Variants in GLIS1 observed in about 807,000 individuals in gnomAD.
GLIS1 encodes zinc finger protein GLIS1.
A neutral mutation model predicts 63.8 loss-of-function variants in GLIS1; 24 were observed. The observed-to-expected ratio is 0.38, with a 90% CI of 0.27 to 0.53. GLIS1 has a LOEUF of 0.53. GLIS1 is among the 20% of genes least tolerant of loss of function. GLIS1 has a pLI of 0.85. For missense variants in GLIS1, 1,036 were observed against 1,074.1 expected, an observed-to-expected ratio of 0.96 and a Z score of 0.50; for synonymous variants, 450 against 482.5, an observed-to-expected ratio of 0.93 and a Z score of 0.88.
intron 2 of GLIS1, among the ~76,000 whole-genome samples, chr1:53,606,298 G>A (rs1230131580): frequency 2.0e-5 from 3 of 152,172 alleles, no homozygotes; most frequent in Non-Finnish European, 2.9e-5. Context: ...CTAGGCCAAC[G>A]GAGTCATGCC....
intron 4 of GLIS1, among the ~76,000 whole-genome samples, chr1:53,550,329 C>A (rs1244495121): frequency 6.6e-6 from 1 of 152,172 alleles, no homozygotes; most frequent in African/African-American, 2.4e-5. Context: ...CCTGGCCTTG[C>A]TCTGCAGTAG....
intron 5 of GLIS1, among the ~76,000 whole-genome samples, chr1:53,529,584 T>C (rs964014581): frequency 6.6e-6 from 1 of 152,176 alleles, no homozygotes; most frequent in Non-Finnish European, 1.5e-5. Context: ...AGTGGGAACA[T>C]TGCCTCCTAT....
intron 2 of GLIS1, among the ~76,000 whole-genome samples, chr1:53,717,522 T>A (rs1646713072): frequency 6.6e-6 from 1 of 152,090 alleles, no homozygotes. Flanking sequence ...TGAACACACT[T>A]CTTCTACGGG....
At chr1:53,725,565 C>A (rs1646797464) in intron 2 of GLIS1, among the ~76,000 whole-genome samples, 1 of 152,176 alleles carries the variant, frequency 6.6e-6, no homozygotes, top group Non-Finnish European at 1.5e-5. Flanking sequence ...ACCCGGCCAG[C>A]CTGAAGGGGG....
chr1:53,617,958 G>C (rs1207514334), intron 2 of GLIS1, among the ~76,000 whole-genome samples: 2 of 152,232 alleles, frequency 1.3e-5, no homozygotes, highest in Non-Finnish European at 2.9e-5. Flanking sequence ...TTCAGTGACA[G>C]AGTCCTGAGC....
chr1:53,521,299 C>T (rs948116523), intron 6 of GLIS1, among the ~76,000 whole-genome samples: 4 of 152,144 alleles, frequency 2.6e-5, no homozygotes, highest in Non-Finnish European at 2.9e-5. Flanking sequence ...TGAATGGACG[C>T]GGTAGGAATA....
chr1:53,731,135 C>T (rs925528027), intron 2 of GLIS1, among the ~76,000 whole-genome samples: 1 of 152,222 alleles, frequency 6.6e-6, no homozygotes, highest in Non-Finnish European at 1.5e-5. Flanking sequence ...CAGACAGGGA[C>T]TACTACCTGC....
rs1196657590 is a variant in GLIS1 at position 53,506,440 on chromosome 1, C to T, written c.*179G>A. On this transcript the variant is annotated 3_prime_UTR_variant, in exon 11 of 11. Coordinates refer to ENST00000628545, the MANE Select transcript of GLIS1 (RefSeq NM_001367484.1). ...CACCTCTGTGCGCCCAGCTCAAGCT[C>T]GGATGGCGGCTCCCTGGCAGCGCTG... The T allele has an allele frequency of 6.3e-6, 4 of 632,004 alleles. No individual in the cohort carries two copies. Among genetic ancestry groups the T allele is most frequent in the Non-Finnish European group, 8.2e-6 (3 of 366,974 alleles). 39.1% of individuals were successfully genotyped at this position (632,004 alleles called of 1,614,324 possible).
rs1644510921 is a variant in GLIS1 at position 53,529,855 on chromosome 1, C to T, written c.1418G>A (p.Gly473Asp). 1.9e-6 allele frequency: 3 copies of T among 1,613,882 alleles called. 1 individual carries two copies. Among genetic ancestry groups the T allele is most frequent in the East Asian group, 4.5e-5 (2 of 44,870 alleles). The change falls in exon 5 of 11, where the codon GGT (glycine) becomes GAT (aspartate). Residue 473 changes from glycine (G) to aspartate (D), a missense_variant. Physicochemically the swap from Gly to Asp is moderately conservative, Grantham distance 94 (BLOSUM62 -1). Coordinates refer to ENST00000628545, the MANE Select transcript of GLIS1 (RefSeq NM_001367484.1). Reference sequence around the variant, plus strand: ...GGAGTTGCTGAAGGCCTTCTGGCAACCCGGGTGCTGGCACAGGTACGGCTT... The same window carrying T: ...GGAGTTGCTGAAGGCCTTCTGGCAATCCGGGTGCTGGCACAGGTACGGCTT... ...GEKPYLCQHPGCQKAFSNSSD... is the reference protein window; with the variant it reads ...GEKPYLCQHPDCQKAFSNSSD...
rs1644297682 is a variant in GLIS1 at position 53,511,496 on chromosome 1, C to A, written c.1884-1469G>T. On this transcript the variant is annotated intron_variant, in intron 8 of 10. Transcript: ENST00000628545. The surrounding 1 kb of genome is among the most constrained non-coding windows in gnomAD (Gnocchi z 4.2). ...GCTGTCATCATCCACACGTGTGGGG[C>A]CCCCGTCACTGTGAGCTCGCTGAGG... is the stretch of plus-strand genomic sequence containing the variant. 2.0e-5 allele frequency among the ~76,000 whole-genome samples: 3 copies of A among 152,168 alleles called. No homozygotes were observed. The highest frequency in any genetic ancestry group is 4.4e-5 in the Non-Finnish European group (3 of 68,022).
intron 4 of GLIS1, among the ~76,000 whole-genome samples, chr1:53,566,476 C>T (rs1644937449): frequency 6.6e-6 from 1 of 152,210 alleles, no homozygotes; most frequent in Non-Finnish European, 1.5e-5. Context: ...TTAAAACAAA[C>T]ACAGTATCAT....
intron 2 of GLIS1, among the ~76,000 whole-genome samples, chr1:53,730,704 G>C (rs1468645323): frequency 5.8e-4 from 88 of 152,230 alleles, no homozygotes; most frequent in Non-Finnish European, 1.0e-4. Context: ...GACCAGAACG[G>C]CTCCTGCAAG....
chr1:53,692,571 G>A (rs532964162), intron 2 of GLIS1, among the ~76,000 whole-genome samples: 172 of 152,342 alleles, frequency 1.1e-3, no homozygotes, highest in Non-Finnish European at 1.4e-3. Context: ...AGAGTTTGGG[G>A]TTGTGCTGAG....
chr1:53,589,346 C>CA (rs1645166339), intron 4 of GLIS1, among the ~76,000 whole-genome samples: 1 of 152,200 alleles, frequency 6.6e-6, no homozygotes, highest in Non-Finnish European at 1.5e-5. Flanking sequence ...CAGTAAGGAG[C>CA]AACTCCCTTT....
chr1:53,653,978 G>A (rs748949068), intron 2 of GLIS1, among the ~76,000 whole-genome samples: 20 of 152,206 alleles, frequency 1.3e-4, no homozygotes, highest in Non-Finnish European at 2.4e-4. Context: ...TCACTAAGGG[G>A]TTCCCAGTCA....
intron 2 of GLIS1, among the ~76,000 whole-genome samples, chr1:53,668,058 C>T (rs1646112898): frequency 6.6e-6 from 1 of 152,206 alleles, no homozygotes; most frequent in African/African-American, 2.4e-5. Context: ...CCTGCCTGCC[C>T]ACCGCAGCAT....
At chr1:53,638,118 T>C (rs1645746427) in intron 2 of GLIS1, among the ~76,000 whole-genome samples, 1 of 152,190 alleles carries the variant, frequency 6.6e-6, no homozygotes, top group African/African-American at 2.4e-5. Flanking sequence ...TGGTGGGGAC[T>C]GCCACGGGGA....
rs555498306 is a variant in GLIS1, at chr1:53,704,680, G to C, written c.259+33126C>G. On this transcript the variant is annotated intron_variant, in intron 2 of 10. Coordinates refer to ENST00000628545, the MANE Select transcript of GLIS1 (RefSeq NM_001367484.1). ...CAGGGAGCCCAGGGTCTCTCCAAGG[G>C]AAGCCGGAGGACAGCCTGGCCATCA... Among the ~76,000 whole-genome samples the C allele has an allele frequency of 1.8e-4, 27 of 152,344 alleles. No individual in the cohort carries two copies. In the South Asian group the frequency reaches 5.0e-3, roughly 28 times the overall value.
chr1:53,556,751 C>T lies in GLIS1; in HGVS notation c.1321-26799G>A, dbSNP rs1483062990. Among the ~76,000 whole-genome samples, 4 of 133,740 alleles carry T rather than the reference C, an allele frequency of 3.0e-5. No homozygotes were observed. In the South Asian group the frequency reaches 9.7e-4, roughly 32 times the overall value. The allele number at this position is 133,740 out of a possible 152,430, so 87.7% of individuals were successfully genotyped here. ...GGTGTACTGGAGGTGTGTGTGTGCG[C>T]AGATACTTGTTTGTGTGCAGGCATA... is the stretch of plus-strand genomic sequence containing the variant. On this transcript the variant is annotated intron_variant, in intron 4 of 10. Coordinates refer to ENST00000628545, the MANE Select transcript of GLIS1 (RefSeq NM_001367484.1).
Sources: allele counts gnomAD v4.1 joint callset (sites outside exome capture counted in the v4.1 genomes callset), GRCh38; gene constraint gnomAD v4.1.1; non-coding constraint Gnocchi (gnomAD v3.1); transcripts MANE v1.5; gene names NCBI Gene and HGNC (gene_info 2026-07-23, HGNC 2026-07-21).